The following ADARB2 variants were observed in gnomAD, a reference collection of about 807,000 sequenced individuals.
ADARB2 encodes inactive double-stranded RNA-specific editase B2.
A neutral mutation model predicts 62.2 loss-of-function variants in ADARB2; 25 were observed. The observed-to-expected ratio is 0.40, with a 90% CI of 0.29 to 0.56. ADARB2 has a LOEUF of 0.56. ADARB2 is among the 20% of genes least tolerant of loss of function. ADARB2 has a pLI of 0.43. For synonymous variants in ADARB2, 572 were observed against 500.8 expected (o/e 1.14, Z -1.90); for missense variants, 1,071 against 1,077.4 (o/e 0.99, Z 0.08).
chr10:1,522,056 C>T (rs959080373), intron 1 of ADARB2, among the ~76,000 whole-genome samples: 1 of 152,122 alleles, frequency 6.6e-6, no homozygotes, highest in Non-Finnish European at 1.5e-5. Flanking sequence ...GTCTACTCCA[C>T]AAGATTGTTA....
chr10:1,695,266 C>T lies in ADARB2; in HGVS notation c.100+41785G>A, dbSNP rs80333798. On this transcript the variant is annotated intron_variant, in intron 1 of 9. Coordinates refer to ENST00000381312, the MANE Select transcript of ADARB2 (RefSeq NM_018702.4). ...CTGGCAAGAATGGGCTCTGCAGAAC[C>T]GACCAGGCCCACCGTGTACTTTGAG... Among the ~76,000 whole-genome samples, 493 of 152,196 alleles carry T rather than the reference C, an allele frequency of 3.2e-3. 18 individuals are homozygous for T. The East Asian group carries it at 0.072, about 22-fold the overall frequency.
rs903418943 is a variant in ADARB2, at chr10:1,177,579, C to T, written c.*5614G>A. 7.1e-6 allele frequency: 1 copy of T among 141,630 alleles called. No homozygotes were observed. The highest frequency in any genetic ancestry group is 2.2e-4 in the South Asian group (1 of 4,532). 8.8% of individuals were successfully genotyped at this position (141,630 alleles called of 1,614,324 possible). A position where few individuals can be genotyped will look rare whatever the true frequency, so the allele number is the denominator to read the frequency against. ...AAATGCTGAAAACTAACGGGGCACA[C>T]TGGGAGAGATTTTTTTTTTTTTACC... On this transcript the variant is annotated 3_prime_UTR_variant, in exon 10 of 10. Coordinates refer to ENST00000381312, the MANE Select transcript of ADARB2 (RefSeq NM_018702.4).
At chr10:1,656,661 A>G (rs1467136115) in intron 1 of ADARB2, among the ~76,000 whole-genome samples, 1 of 152,062 alleles carries the variant, frequency 6.6e-6, no homozygotes, top group Non-Finnish European at 1.5e-5. Context: ...ATGACTTGAG[A>G]TTTGGGACTC....
At chr10:1,411,624 G>A (rs1287900254) in intron 1 of ADARB2, among the ~76,000 whole-genome samples, 2 of 152,186 alleles carry the variant, frequency 1.3e-5, no homozygotes, top group South Asian at 2.1e-4. Flanking sequence ...TGGTGGGGAC[G>A]GGCGGTCCGT....
rs1836623460 is a variant in ADARB2 at position 1,178,771 on chromosome 10, G to A, written c.*4422C>T. 6.6e-6 allele frequency: 1 copy of A among 152,226 alleles called. No homozygotes were observed. Among genetic ancestry groups the A allele is most frequent in the South Asian group, 2.1e-4 (1 of 4,828 alleles). 9.4% of individuals were successfully genotyped at this position (152,226 alleles called of 1,614,324 possible). On this transcript the variant is annotated 3_prime_UTR_variant, in exon 10 of 10. Coordinates refer to ENST00000381312, the MANE Select transcript of ADARB2 (RefSeq NM_018702.4). ...AGGCGAGGACAGGCTTTGGAGGTAT[G>A]TGGGATGGCGGCTCCCTGACATGGA...
Position 1,554,958 on chromosome 10 carries a change from C to T in ADARB2, c.101-175798G>A, listed in dbSNP as rs551524675. Among the ~76,000 whole-genome samples the T allele has an allele frequency of 9.9e-5, 15 of 152,272 alleles. No homozygotes were observed. In the South Asian group the frequency reaches 1.0e-3, roughly 11 times the overall value. ...GTATCCAATGTTTACCTCCCACTTACGGATCAGAACATGCACTATTTGTTT... is the reference window on the plus strand; with the variant it reads ...GTATCCAATGTTTACCTCCCACTTATGGATCAGAACATGCACTATTTGTTT... On this transcript the variant is annotated intron_variant, in intron 1 of 9. Transcript: ENST00000381312.
chr10:1,708,782 C>T (rs1834920260), intron 1 of ADARB2, among the ~76,000 whole-genome samples: 1 of 152,228 alleles, frequency 6.6e-6, no homozygotes, highest in African/African-American at 2.4e-5. Flanking sequence ...TTGGCACACA[C>T]CACGTCACCA....
chr10:1,279,241 G>C (rs1034316799), intron 3 of ADARB2, among the ~76,000 whole-genome samples: 3 of 152,198 alleles, frequency 2.0e-5, no homozygotes, highest in African/African-American at 4.8e-5. Context: ...ATCTTGTCAT[G>C]TGCTACATGA....
At chr10:1,226,362 C>CT (rs1830746343) in intron 6 of ADARB2, among the ~76,000 whole-genome samples, 1 of 152,160 alleles carries the variant, frequency 6.6e-6, no homozygotes, top group South Asian at 2.1e-4. Flanking sequence ...GAATTTCCTC[C>CT]TGTAGCTCAG....
intron 1 of ADARB2, among the ~76,000 whole-genome samples, chr10:1,506,785 G>A (rs1411579289): frequency 2.0e-5 from 3 of 152,270 alleles, no homozygotes; most frequent in Non-Finnish European, 4.4e-5. Flanking sequence ...CCAAAGGGAT[G>A]GCATTAGGAG....
intron 8 of ADARB2, among the ~76,000 whole-genome samples, chr10:1,185,726 C>T (rs569989047): frequency 6.6e-6 from 1 of 152,364 alleles, no homozygotes; most frequent in Non-Finnish European, 1.5e-5. Flanking sequence ...TGCAGGGCTG[C>T]ATGCCCACGA....
At chr10:1,303,631 G>A (rs4428997) in intron 3 of ADARB2, among the ~76,000 whole-genome samples, 69,489 of 149,676 alleles carry the variant, frequency 0.46, 17,579 homozygotes, top group East Asian at 0.8. Flanking sequence ...CCAGAGAGAA[G>A]GGTCGGGTTA....
intron 1 of ADARB2, among the ~76,000 whole-genome samples, chr10:1,484,858 G>C (rs1221185134): frequency 6.6e-6 from 1 of 152,196 alleles, no homozygotes; most frequent in Non-Finnish European, 1.5e-5. Context: ...ATGTAGATAT[G>C]TATGTAGGTA....
intron 1 of ADARB2, among the ~76,000 whole-genome samples, chr10:1,578,638 C>T (rs1026897137): frequency 3.4e-5 from 5 of 146,724 alleles, no homozygotes; most frequent in African/African-American, 7.6e-5. Context: ...TCCATGAGCT[C>T]ACACTGTGTA....
chr10:1,558,349 A>C (rs61831947), intron 1 of ADARB2, among the ~76,000 whole-genome samples: 17,013 of 45,676 alleles, frequency 0.37, 1,339 homozygotes, highest in African/African-American at 0.46. Flanking sequence ...CCTCTGTCCC[A>C]TTCTGTGGGT....
intron 3 of ADARB2, among the ~76,000 whole-genome samples, chr10:1,348,962 A>AGAGAGGGCTCAGGG (rs202192465): frequency 6.6e-6 from 1 of 152,068 alleles, no homozygotes; most frequent in African/African-American, 2.4e-5. Flanking sequence ...TGGGGGAAGG[A>AGAGAGGGCTCAGGG]GAGAGGGCTC....
intron 3 of ADARB2, among the ~76,000 whole-genome samples, chr10:1,309,404 C>A (rs1233563257): frequency 6.6e-6 from 1 of 152,222 alleles, no homozygotes; most frequent in African/African-American, 2.4e-5. Flanking sequence ...CGGGCATGCA[C>A]TGGCAGCGCT....
intron 4 of ADARB2, among the ~76,000 whole-genome samples, chr10:1,270,620 AAGG>A (rs1320324359): frequency 5.9e-5 from 9 of 152,092 alleles, no homozygotes; most frequent in Non-Finnish European, 1.3e-4. Context: ...TCTTGGCAGA[AAGG>A]AGAGCGTTCG....
chr10:1,302,757 A>C (rs1243577391), intron 3 of ADARB2, among the ~76,000 whole-genome samples: 2 of 152,256 alleles, frequency 1.3e-5, no homozygotes, highest in Non-Finnish European at 2.9e-5. Flanking sequence ...GGCACCCTCC[A>C]GCAGGGGCAC....
Sources: gnomAD v4.1 joint callset for allele counts (sites outside exome capture counted in the v4.1 genomes callset) on GRCh38, gnomAD v4.1.1 for gene constraint, MANE v1.5 for transcripts, NCBI Gene and HGNC (gene_info 2026-07-23, HGNC 2026-07-21) for gene names.